TNRC6B: variants seen among roughly 807,000 people sequenced by gnomAD.
TNRC6B encodes the protein trinucleotide repeat-containing gene 6B protein.
A neutral mutation model predicts 203.6 loss-of-function variants in TNRC6B; 52 were observed. The ratio of observed to expected loss-of-function variants is 0.26; its 90% CI spans 0.20 to 0.32. The LOEUF (loss-of-function observed/expected upper bound fraction) is 0.32. TNRC6B is among the 10% of genes least tolerant of loss of function. TNRC6B has a pLI of 1.00. For missense variants in TNRC6B, 1,923 were observed against 2,286.2 expected (o/e 0.84, Z 3.24); for synonymous variants, 838 against 845.7 (o/e 0.99, Z 0.16).
At chr22:40,317,046 A>G (rs989712151) in intron 21 of TNRC6B, among the ~76,000 whole-genome samples, 3 of 152,192 alleles carry the variant, frequency 2.0e-5, no homozygotes, top group Admixed American at 1.3e-4. Flanking sequence ...AAGGACACCC[A>G]AAAGCTACCT....
intron 1 of TNRC6B, among the ~76,000 whole-genome samples, chr22:40,057,406 GC>G (rs1360296389): frequency 6.7e-6 from 1 of 149,426 alleles, no homozygotes; most frequent in Non-Finnish European, 1.5e-5. Context: ...TGATTCTCCT[GC>G]CTCAGCCTCC....
chr22:40,270,127 A>T lies in TNRC6B; in HGVS notation c.2812A>T (p.Ser938Cys). Residue 938 changes from serine (S) to cysteine (C), a missense_variant, in exon 6 of 23, where the codon AGC (serine) becomes TGC (cysteine). Around this residue, in one of 8 missense-constraint regions of TNRC6B, gnomAD observed 599 missense variants for 656.5 expected, o/e 0.91. Coordinates refer to ENST00000454349, the MANE Select transcript of TNRC6B (RefSeq NM_001162501.2). ...GACATTTCCTTTCTTTATAGTCTGG[A>T]GCAAAAGCACACCACCTGCTCCAGA... ...PMTSKSASVW[S>C]KSTPPAPDNG... 1 of 1,584,604 alleles carries T rather than the reference A, an allele frequency of 6.3e-7. No homozygotes were observed.
chr22:40,190,548 A>G (rs989759755), intron 1 of TNRC6B, among the ~76,000 whole-genome samples: 1 of 152,224 alleles, frequency 6.6e-6, no homozygotes, highest in Non-Finnish European at 1.5e-5. Context: ...TTTAAATGAC[A>G]AAGACCTTAA....
At chr22:40,102,791 A>AAT (rs1268155119) in intron 1 of TNRC6B, among the ~76,000 whole-genome samples, 2 of 151,148 alleles carry the variant, frequency 1.3e-5, no homozygotes, top group East Asian at 3.9e-4. Flanking sequence ...TAAAAATAAA[A>AAT]AAATTGACTG....
chr22:40,179,512 T>G (rs537286685), intron 1 of TNRC6B, among the ~76,000 whole-genome samples: 1 of 152,358 alleles, frequency 6.6e-6, no homozygotes, highest in African/African-American at 2.4e-5. Flanking sequence ...GAAAAGGCAT[T>G]TAAAATATGC....
intron 1 of TNRC6B, among the ~76,000 whole-genome samples, chr22:40,099,278 A>AG (rs2068213282): frequency 6.6e-6 from 1 of 152,030 alleles, no homozygotes; most frequent in Admixed American, 6.5e-5. Context: ...GGAAAAAAAA[A>AG]CATACAGTAA....
chr22:40,117,856 A>G lies in TNRC6B; in HGVS notation c.-47+728A>G, dbSNP rs528595114. ...ACAGTAATAAATTATTCAATATTTT[A>G]TATTAAAGTTGTTTATTTGTATCTG... On this transcript the variant is annotated intron_variant, in intron 2 of 23. Transcript: ENST00000301923. Among the ~76,000 whole-genome samples the G allele has an allele frequency of 3.5e-4, 54 of 152,250 alleles. 2 individuals are homozygous for G. The South Asian group carries it at 0.011, about 32-fold the overall frequency.
intron 1 of TNRC6B, among the ~76,000 whole-genome samples, chr22:40,195,792 C>T (rs772369020): frequency 5.9e-5 from 9 of 151,984 alleles, no homozygotes; most frequent in African/African-American, 9.7e-5. Flanking sequence ...TTTTTTGAGA[C>T]GGAGTCTCGC....
intron 1 of TNRC6B, among the ~76,000 whole-genome samples, chr22:40,096,065 T>C (rs539666626): frequency 6.6e-6 from 1 of 152,260 alleles, no homozygotes; most frequent in South Asian, 2.1e-4. Context: ...TAGAAACATA[T>C]AAACATGACT....
chr22:40,320,352 C>T lies in TNRC6B; in HGVS notation c.4975-738C>T, dbSNP rs145685158. ...AAAATTAGCCGGGAGTTGTGGTGTG[C>T]GCCTGTAATTCCACCTACTCAGGAT... On this transcript the variant is annotated intron_variant, in intron 21 of 22. Transcript: ENST00000454349. 2.4e-3 allele frequency among the ~76,000 whole-genome samples: 369 copies of T among 152,202 alleles called. 3 individuals carry two copies. Among genetic ancestry groups the T allele is most frequent in the African/African-American group, 8.1e-3 (335 of 41,544 alleles).
chr22:40,126,580 A>ATTTTTTTTTTTT (rs955369459), intron 3 of TNRC6B, among the ~76,000 whole-genome samples: 2 of 88,782 alleles, frequency 2.3e-5, no homozygotes, highest in African/African-American at 4.9e-5. Flanking sequence ...ACGTTATTTA[A>ATTTTTTTTTTTT]TTTTTTTTTT....
intron 1 of TNRC6B, among the ~76,000 whole-genome samples, chr22:40,057,295 T>G (rs2067806933): frequency 6.7e-6 from 1 of 150,350 alleles, no homozygotes; most frequent in Non-Finnish European, 1.5e-5. Context: ...ATGCCAGGTT[T>G]TTTTTTTTTT....
intron 3 of TNRC6B, among the ~76,000 whole-genome samples, chr22:40,136,371 T>TTGTGTGTGTGTGTGTGTGTGTGTGTGTG (rs56246561): frequency 2.1e-5 from 3 of 141,118 alleles, no homozygotes; most frequent in Non-Finnish European, 3.0e-5. Context: ...TATGTTTATC[T>TTGTGTGTGTGTGTGTGTGTGTGTGTGTG]TGTGTGTGTG....
chr22:40,194,079 G>A (rs1188476414), intron 1 of TNRC6B, among the ~76,000 whole-genome samples: 1 of 152,222 alleles, frequency 6.6e-6, no homozygotes, highest in East Asian at 1.9e-4. Context: ...AGGGGGCAAG[G>A]TCTTTGGAGA....
chr22:40,313,682 A>G (rs1279825461), intron 19 of TNRC6B, among the ~76,000 whole-genome samples: 1 of 152,194 alleles, frequency 6.6e-6, no homozygotes, highest in African/African-American at 2.4e-5. Flanking sequence ...AATAAAGTAG[A>G]CCTTTGTCCA....
At position 40,325,633 on chromosome 22, in the gene TNRC6B, C is replaced by T. The variant is rs2071391934; in HGVS notation, c.*2392C>T. ...ATGCAAAAGCTCTGCTTCCAGCAGCCCCCACTGACCGCTCTCTGTGTGGAG... is the reference window on the plus strand; with the variant it reads ...ATGCAAAAGCTCTGCTTCCAGCAGCTCCCACTGACCGCTCTCTGTGTGGAG... On this transcript the variant is annotated 3_prime_UTR_variant, in exon 23 of 23. Transcript: ENST00000454349. The T allele has an allele frequency of 6.5e-6, 1 of 152,748 alleles. No individual in the cohort carries two copies. Among genetic ancestry groups the T allele is most frequent in the Admixed American group, 6.5e-5 (1 of 15,288 alleles). 9.5% of individuals were successfully genotyped at this position (152,748 alleles called of 1,614,324 possible).
chr22:40,212,188 C>T (rs997233058), intron 1 of TNRC6B, among the ~76,000 whole-genome samples: 1 of 152,184 alleles, frequency 6.6e-6, no homozygotes, highest in African/African-American at 2.4e-5. Context: ...CAACTTAATG[C>T]TTTTGCTTCT....
intron 1 of TNRC6B, among the ~76,000 whole-genome samples, chr22:40,095,334 A>T (rs1023656556): frequency 1.3e-5 from 2 of 152,114 alleles, no homozygotes; most frequent in Non-Finnish European, 2.9e-5. Context: ...CCTTTGATCC[A>T]TCCTTGATGG....
chr22:40,233,352 G>T (rs934834001), intron 1 of TNRC6B, among the ~76,000 whole-genome samples: 1 of 151,302 alleles, frequency 6.6e-6, no homozygotes. Context: ...AGCCGGTCGC[G>T]GTGGCTCATG....
Sources: allele counts gnomAD v4.1 joint callset (sites outside exome capture counted in the v4.1 genomes callset), GRCh38; gene constraint gnomAD v4.1.1; regional missense constraint gnomAD v4.1.1; transcripts MANE v1.5; gene names NCBI Gene and HGNC (gene_info 2026-07-23, HGNC 2026-07-21).